PCNT: variants seen among roughly 807,000 people sequenced by gnomAD.
The protein encoded by PCNT is kendrin.
A neutral mutation model predicts 380.4 loss-of-function variants in PCNT; 319 were observed. The ratio of observed to expected loss-of-function variants is 0.84; its 90% CI spans 0.77 to 0.92. The LOEUF (loss-of-function observed/expected upper bound fraction) is 0.92, where lower values mean the gene tolerates loss of function less well. Ranked by LOEUF, PCNT falls within the 40% of genes least tolerant of loss-of-function variation. The pLI is 0.00. For synonymous variants in PCNT, 1,845 were observed against 1,735.2 expected (o/e 1.06, Z -1.57); for missense variants, 4,400 against 4,255.3 (o/e 1.03, Z -0.95).
intron 35 of PCNT, 31 bp downstream of exon 35, chr21:46,428,621 C>T (rs1295571290): frequency 6.4e-7 from 1 of 1,551,760 alleles, no homozygotes; most frequent in Admixed American, 1.8e-5. Flanking sequence ...TGCCTGGGGC[C>T]CGGCCTCTGC....
intron 2 of PCNT, among the ~76,000 whole-genome samples, chr21:46,330,968 G>A (rs1339759810): frequency 1.3e-5 from 2 of 152,110 alleles, no homozygotes; most frequent in Non-Finnish European, 2.9e-5. Flanking sequence ...ATTGTGAGAG[G>A]TTTGGCTATG....
chr21:46,351,906 C>T (rs1407153181), intron 9 of PCNT, among the ~76,000 whole-genome samples: 1 of 152,246 alleles, frequency 6.6e-6, no homozygotes, highest in Non-Finnish European at 1.5e-5. Flanking sequence ...TGTCTGGGGT[C>T]ACAGGGCAGT....
chr21:46,363,484 A>C lies in PCNT; in HGVS notation c.2159A>C (p.Lys720Thr). The C allele has an allele frequency of 5.6e-6, 9 of 1,611,068 alleles. No individual in the cohort carries two copies. Among genetic ancestry groups the C allele is most frequent in the Non-Finnish European group, 7.6e-6 (9 of 1,177,416 alleles). Reference protein sequence around the residue: ...TRLKDDLEKVKHNLIEDHQKE... With the variant: ...TRLKDDLEKVTHNLIEDHQKE... ...ATGAAATTATGTTGTCTGTAGGTAA[A>C]ACACAATCTAATTGAAGACCACCAG... Residue 720 changes from lysine (K) to threonine (T), a missense_variant, in exon 14 of 47, where the codon AAA (lysine) becomes ACA (threonine). Transcript: ENST00000359568.
chr21:46,399,818 G>A, intron 25 of PCNT, 22 bp downstream of exon 25: 1 of 1,604,988 alleles, frequency 6.2e-7, no homozygotes. Flanking sequence ...CCATGTTGTG[G>A]TTGGGCACGT....
chr21:46,402,539 G>A lies in PCNT; in HGVS notation c.5115+56G>A, dbSNP rs377660017. ...AGTTCATGTTGCTTATGCCGGTGCCGAGCGGCCACCAAGACCCTCATCGGG... is the reference window on the plus strand; with the variant it reads ...AGTTCATGTTGCTTATGCCGGTGCCAAGCGGCCACCAAGACCCTCATCGGG... On this transcript the variant is annotated intron_variant, in intron 27 of 46. Coordinates refer to ENST00000359568, the MANE Select transcript of PCNT (RefSeq NM_006031.6). 35 of 1,587,088 alleles carry A rather than the reference G, an allele frequency of 2.2e-5. 1 individual carries two copies. In the African/African-American group the frequency reaches 4.4e-4, roughly 20 times the overall value.
At chr21:46,373,630 G>A in intron 15 of PCNT, among the ~76,000 whole-genome samples, 1 of 5,444 alleles carries the variant, frequency 1.8e-4, no homozygotes, top group Non-Finnish European at 3.7e-4. Flanking sequence ...GTTTCACCAT[G>A]TTGCCCAGGG....
chr21:46,368,371 C>A (rs1401279984), intron 15 of PCNT, among the ~76,000 whole-genome samples: 1 of 151,820 alleles, frequency 6.6e-6, no homozygotes, highest in East Asian at 1.9e-4. Context: ...TGATGTGAAC[C>A]CGGGAGGCGG....
At chr21:46,396,209 G>C (rs1439334329) in intron 21 of PCNT, among the ~76,000 whole-genome samples, 3 of 152,218 alleles carry the variant, frequency 2.0e-5, no homozygotes, top group Non-Finnish European at 4.4e-5. Flanking sequence ...CAGGTCTCAG[G>C]CTGGTTTTGC....
chr21:46,369,932 G>A (rs1441053321), intron 15 of PCNT, among the ~76,000 whole-genome samples: 1 of 152,210 alleles, frequency 6.6e-6, no homozygotes, highest in African/African-American at 2.4e-5. Context: ...CATCAAGCAG[G>A]GCAGGCGGAG....
intron 33 of PCNT, among the ~76,000 whole-genome samples, chr21:46,427,228 T>C (rs1414925522): frequency 6.6e-6 from 1 of 152,252 alleles, no homozygotes; most frequent in African/African-American, 2.4e-5. Flanking sequence ...TCTCGTGCCT[T>C]GAATGGCCCT....
rs1230308575 is a variant in PCNT at position 46,388,770 on chromosome 21, CTGCTGGG to C, written c.3495_3501del (p.Leu1166CysfsTer6). 1 of 1,613,884 alleles carries C rather than the reference CTGCTGGG, an allele frequency of 6.2e-7. No homozygotes were observed. The highest frequency in any genetic ancestry group is 1.1e-5 in the South Asian group (1 of 91,078). ...GGCCCTCCAGGACGCCCTGCGCAGG[CTGCTGGG>C]TTTGTTTGGAGAGACGCTGAGGGCA... On this transcript the variant is annotated frameshift_variant, in exon 18 of 47. Coordinates refer to ENST00000359568, the MANE Select transcript of PCNT (RefSeq NM_006031.6). LOFTEE classifies it high-confidence loss of function. The surrounding 1 kb of genome is among the most constrained non-coding windows in gnomAD (Gnocchi z 4.2).
chr21:46,383,465 G>A (rs887320886), intron 16 of PCNT, among the ~76,000 whole-genome samples: 1 of 144,798 alleles, frequency 6.9e-6, no homozygotes, highest in Non-Finnish European at 1.5e-5. Context: ...AGTGGCAGAA[G>A]CGCATTCACA....
At position 46,427,514 on chromosome 21, in the gene PCNT, A is replaced by G. The variant is rs527996429; in HGVS notation, c.7321-108A>G. On this transcript the variant is annotated intron_variant, in intron 33 of 46. Transcript: ENST00000359568. ...TCTTAAGAGGCCTCATTTACCCTGAATCACCTCCCGCAGGCCCCATCTCCA... is the reference window on the plus strand; with the variant it reads ...TCTTAAGAGGCCTCATTTACCCTGAGTCACCTCCCGCAGGCCCCATCTCCA... The G allele has an allele frequency of 4.8e-6, 6 of 1,262,106 alleles. No individual in the cohort carries two copies. In the South Asian group the frequency reaches 7.3e-5, roughly 15 times the overall value. 78.2% of individuals were successfully genotyped at this position (1,262,106 alleles called of 1,614,324 possible). A position where few individuals can be genotyped will look rare whatever the true frequency, so the allele number is the denominator to read the frequency against.
In PCNT at chr21:46,440,014, G is replaced by A. The variant is rs980394658; in HGVS notation, c.9274-69G>A. 5.7e-5 allele frequency: 91 copies of A among 1,597,936 alleles called. 2 individuals are homozygous for A. In the East Asian group the frequency reaches 8.4e-4, roughly 15 times the overall value. Reference sequence around the variant, plus strand: ...ATGGCCTTCTCCCTCACCTGCCCCCGGCTGCGTCTCTAAGATGCTCTTGTT... The same window carrying A: ...ATGGCCTTCTCCCTCACCTGCCCCCAGCTGCGTCTCTAAGATGCTCTTGTT... On this transcript the variant is annotated intron_variant, in intron 41 of 46. Transcript: ENST00000359568.
chr21:46,354,543 A>C, intron 11 of PCNT, among the ~76,000 whole-genome samples: 1 of 152,196 alleles, frequency 6.6e-6, no homozygotes, highest in East Asian at 1.9e-4. Context: ...CTGTGCTGCC[A>C]GTGTGGTGCC....
intron 3 of PCNT, among the ~76,000 whole-genome samples, chr21:46,342,312 G>A (rs1456634186): frequency 2.0e-5 from 3 of 152,034 alleles, no homozygotes; most frequent in Non-Finnish European, 2.9e-5. Context: ...TCACCATGTC[G>A]CCCAGGCTGG....
chr21:46,328,738 G>A (rs1191634119), intron 2 of PCNT, among the ~76,000 whole-genome samples: 1 of 151,694 alleles, frequency 6.6e-6, no homozygotes. Flanking sequence ...TGGGATTACA[G>A]GCGTGAGCCA....
rs945516685 is a variant in PCNT at position 46,388,324 on chromosome 21, G to A, written c.3465-418G>A. 2.6e-5 allele frequency among the ~76,000 whole-genome samples: 4 copies of A among 152,210 alleles called. No homozygotes were observed. Among genetic ancestry groups the A allele is most frequent in the African/African-American group, 4.8e-5 (2 of 41,454 alleles). On this transcript the variant is annotated intron_variant, in intron 17 of 46. Transcript: ENST00000359568. The surrounding 1 kb of genome is among the most constrained non-coding windows in gnomAD (Gnocchi z 4.2). ...ACTCCTGTGAATGTGTGGCTGAGGCGTGACTTGGTGTTGGACAGACATCTT... is the reference window on the plus strand; with the variant it reads ...ACTCCTGTGAATGTGTGGCTGAGGCATGACTTGGTGTTGGACAGACATCTT...
chr21:46,412,790 G>A (rs1226421298), intron 28 of PCNT, 47 bp from the exon 29 acceptor site: 4 of 1,602,136 alleles, frequency 2.5e-6, no homozygotes, highest in Non-Finnish European at 8.5e-7. Context: ...GGCAGCCCCA[G>A]CAACAGCCTC....
Sources: gnomAD v4.1 joint callset for allele counts (sites outside exome capture counted in the v4.1 genomes callset) on GRCh38, gnomAD v4.1.1 for gene constraint, Gnocchi (gnomAD v3.1) non-coding constraint, MANE v1.5 for transcripts, NCBI Gene and HGNC (gene_info 2026-07-23, HGNC 2026-07-21) for gene names.